The following PCDHGB1 variants were observed in gnomAD, a reference collection of about 807,000 sequenced individuals.
PCDHGB1 encodes the protein protocadherin gamma subfamily B, 1.
A neutral mutation model predicts 56.6 loss-of-function variants in PCDHGB1; 34 were observed. That is an observed-to-expected ratio of 0.60 (90% CI 0.46 to 0.80). The LOEUF is 0.80. PCDHGB1 is among the 30% of genes least tolerant of loss of function. The pLI, the probability that PCDHGB1 is intolerant of heterozygous loss-of-function variation, is 0.00. For synonymous variants in PCDHGB1, 561 were observed against 505.9 expected, an observed-to-expected ratio of 1.11 and a Z score of -1.46; for missense variants, 1,278 against 1,204.6, an observed-to-expected ratio of 1.06 and a Z score of -0.90.
intron 1 of PCDHGB1, chr5:141,422,851 C>A (rs1459531183): frequency 1.2e-6 from 2 of 1,614,122 alleles, no homozygotes; most frequent in African/African-American, 1.3e-5. Flanking sequence ...CGGGGACCCG[C>A]CCCTCAGCAG....
intron 1 of PCDHGB1, chr5:141,388,084 G>A (rs2091232719): frequency 7.3e-7 from 1 of 1,364,538 alleles, no homozygotes; most frequent in Admixed American, 2.0e-5. Context: ...CGAAAACTGC[G>A]CGTCAGTTCG....
rs2099427481 is a variant in PCDHGB1 at position 141,477,973 on chromosome 5, T to A, written c.2410-16834T>A. On this transcript the variant is annotated intron_variant, in intron 1 of 3. Coordinates refer to ENST00000523390, the MANE Select transcript of PCDHGB1 (RefSeq NM_018922.3). The surrounding 1 kb of genome is among the most constrained non-coding windows in gnomAD (Gnocchi z 4.9). The stretch of plus-strand genomic sequence containing the variant: ...TGGGATCCCCTAACCAGAGCCTTTT[T>A]GCCATAGGGCTGCACACTGGTCAAA... 1 of 1,614,030 alleles carries A rather than the reference T, an allele frequency of 6.2e-7. No individual in the cohort carries two copies. The highest frequency in any genetic ancestry group is 8.5e-7 in the Non-Finnish European group (1 of 1,180,030).
In PCDHGB1 at chr5:141,366,650, A is replaced by G. The variant is rs879057621; in HGVS notation, c.2409+13981A>G. 6.2e-7 allele frequency: 1 copy of G among 1,614,262 alleles called. No homozygotes were observed. Among genetic ancestry groups the G allele is most frequent in the South Asian group, 1.1e-5 (1 of 91,092 alleles). The stretch of plus-strand genomic sequence containing the variant: ...GAGTCACCTGATCTTTCCCCAGCCC[A>G]ACTACGCAGACACGCTCCTTAGTGA... On this transcript the variant is annotated intron_variant, in intron 1 of 3. Transcript: ENST00000523390.
intron 1 of PCDHGB1, among the ~76,000 whole-genome samples, chr5:141,380,921 T>G (rs1014548780): frequency 6.6e-6 from 1 of 152,238 alleles, no homozygotes; most frequent in African/African-American, 2.4e-5. Flanking sequence ...CATTGTTTAA[T>G]AATCATACAC....
chr5:141,427,930 T>C, intron 1 of PCDHGB1: 2 of 1,583,398 alleles, frequency 1.3e-6, no homozygotes. Flanking sequence ...CGGCGCATGT[T>C]GGTGGGCGAC....
chr5:141,390,568 C>G (rs2092182781), intron 1 of PCDHGB1: 3 of 414,984 alleles, frequency 7.2e-6, no homozygotes, highest in East Asian at 4.5e-5. Flanking sequence ...GTTGTTGGCT[C>G]TCTCCTAAAA....
At position 141,476,326 on chromosome 5, in the gene PCDHGB1, T is replaced by A. The variant is rs752845438; in HGVS notation, c.2410-18481T>A. Reference sequence around the variant, plus strand: ...CAGCCCGCAGGTTCCGGGTGGTGTCTGGAGCTAGCCGAAGATTCTTTGAGG... The same window carrying A: ...CAGCCCGCAGGTTCCGGGTGGTGTCAGGAGCTAGCCGAAGATTCTTTGAGG... On this transcript the variant is annotated intron_variant, in intron 1 of 3. Coordinates refer to ENST00000523390, the MANE Select transcript of PCDHGB1 (RefSeq NM_018922.3). This position sits in a 1 kb window ranked among gnomAD's most constrained non-coding sequence, Gnocchi z 7.6. The A allele has an allele frequency of 6.2e-7, 1 of 1,614,120 alleles. No individual in the cohort carries two copies. Among genetic ancestry groups the A allele is most frequent in the Non-Finnish European group, 8.5e-7 (1 of 1,180,034 alleles).
chr5:141,439,889 C>T (rs997306014), intron 1 of PCDHGB1: 1 of 152,348 alleles, frequency 6.6e-6, no homozygotes, highest in Admixed American at 6.5e-5. Context: ...CTGGGTAGAA[C>T]CAAGGCGACT....
chr5:141,484,805 A>G (rs1594417928), intron 1 of PCDHGB1, among the ~76,000 whole-genome samples: 1 of 151,896 alleles, frequency 6.6e-6, no homozygotes, highest in East Asian at 1.9e-4. Context: ...CCGTGGAAAA[A>G]CATGCCGTTG....
intron 1 of PCDHGB1, chr5:141,400,209 G>C: frequency 3.1e-6 from 5 of 1,614,052 alleles, no homozygotes; most frequent in Non-Finnish European, 4.2e-6. Context: ...CCTTGGCCTT[G>C]ATCTCAGTGC....
At chr5:141,376,287 T>A in intron 1 of PCDHGB1, 1 of 1,614,228 alleles carries the variant, frequency 6.2e-7, no homozygotes, top group Non-Finnish European at 8.5e-7. Flanking sequence ...TTAGCGAGCA[T>A]GCCCGGCTCG....
At chr5:141,383,058 G>A (rs1289702805) in intron 1 of PCDHGB1, 1 of 1,613,912 alleles carries the variant, frequency 6.2e-7, no homozygotes, top group East Asian at 2.2e-5. Context: ...AGGACCTGGG[G>A]CTGGAGCCCC....
chr5:141,454,489 C>T (rs1450435753), intron 1 of PCDHGB1, among the ~76,000 whole-genome samples: 1 of 152,222 alleles, frequency 6.6e-6, no homozygotes, highest in African/African-American at 2.4e-5. Flanking sequence ...TCACCGCAAC[C>T]TCCACCTCCT....
At chr5:141,422,936 C>A (rs1428873210) in intron 1 of PCDHGB1, 2 of 1,614,260 alleles carry the variant, frequency 1.2e-6, no homozygotes, top group East Asian at 4.5e-5. Flanking sequence ...GCCCTCCCCA[C>A]AGACGGCTCC....
At chr5:141,400,234 G>T (rs749957043) in intron 1 of PCDHGB1, 6 of 1,613,868 alleles carry the variant, frequency 3.7e-6, no homozygotes, top group African/African-American at 1.3e-5. Context: ...CCTCCTGGCC[G>T]TGATTCTGGC....
intron 1 of PCDHGB1, among the ~76,000 whole-genome samples, chr5:141,450,782 C>T (rs1012152203): frequency 2.0e-5 from 3 of 151,350 alleles, no homozygotes; most frequent in East Asian, 1.9e-4. Flanking sequence ...CCACCGTGCC[C>T]GGACCTCATG....
intron 1 of PCDHGB1, chr5:141,393,367 G>C: frequency 1.2e-6 from 2 of 1,613,962 alleles, no homozygotes; most frequent in Middle Eastern, 1.6e-4. Context: ...GTGCAGACTG[G>C]AGACAATGGA....
rs763451417 is a variant in PCDHGB1, at chr5:141,408,628, T to G, written c.2409+55959T>G. On this transcript the variant is annotated intron_variant, in intron 1 of 3. Transcript: ENST00000523390. The stretch of plus-strand genomic sequence containing the variant: ...ATAAAAAGGAAATACATTTAGAAAT[T>G]TTCGAATCTGCATCCGCTGGTACAC... The G allele has an allele frequency of 3.7e-6, 6 of 1,613,920 alleles. No individual in the cohort carries two copies. In the Admixed American group the frequency reaches 1.0e-4, roughly 27 times the overall value.
At chr5:141,370,773 A>G in intron 1 of PCDHGB1, 2 of 1,614,002 alleles carry the variant, frequency 1.2e-6, no homozygotes, top group Non-Finnish European at 1.7e-6. Flanking sequence ...CCAGGATATT[A>G]ACGACAACCC....
Sources: gnomAD v4.1 joint callset for allele counts (sites outside exome capture counted in the v4.1 genomes callset) on GRCh38, gnomAD v4.1.1 for gene constraint, Gnocchi (gnomAD v3.1) non-coding constraint, MANE v1.5 for transcripts, NCBI Gene and HGNC (gene_info 2026-07-23, HGNC 2026-07-21) for gene names.